DYSF: variants seen among roughly 807,000 people sequenced by gnomAD.
The protein encoded by DYSF is dystrophy-associated fer-1-like 1.
Under a neutral mutation model 274.9 loss-of-function variants are expected in DYSF, and 212 were observed. The ratio of observed to expected loss-of-function variants is 0.77; its 90% CI spans 0.69 to 0.86. The LOEUF is 0.86. DYSF is among the 40% of genes least tolerant of loss of function. The pLI is 0.00. For synonymous variants in DYSF, 1,091 were observed against 1,078.7 expected (o/e 1.01, Z -0.22); for missense variants, 2,666 against 2,783.2 (o/e 0.96, Z 0.95).
chr2:71,514,325 G>T (rs918295451), intron 7 of DYSF, among the ~76,000 whole-genome samples: 1 of 152,142 alleles, frequency 6.6e-6, no homozygotes, highest in African/African-American at 2.4e-5. Context: ...GACATGCAGA[G>T]TCTACTCAGA....
chr2:71,656,693 A>G (rs1295866081), intron 43 of DYSF, among the ~76,000 whole-genome samples: 1 of 152,150 alleles, frequency 6.6e-6, no homozygotes, highest in African/African-American at 2.4e-5. Context: ...GGCAGTTCTT[A>G]TATGGTGGCA....
intron 22 of DYSF, 53 bp from the exon 23 acceptor site, chr2:71,561,699 C>T (rs148375424): frequency 6.2e-7 from 1 of 1,609,302 alleles, no homozygotes; most frequent in Non-Finnish European, 8.5e-7. Flanking sequence ...CATGCCTGGA[C>T]CTGGGAGAGC....
intron 44 of DYSF, 25 bp downstream of exon 44, chr2:71,659,058 C>G (rs139167338): frequency 2.5e-6 from 4 of 1,613,974 alleles, no homozygotes; most frequent in Non-Finnish European, 3.4e-6. Context: ...GCCCTCACCT[C>G]CCCCAGAGTA....
At chr2:71,516,519 G>A (rs1021872948) in intron 9 of DYSF, among the ~76,000 whole-genome samples, 5 of 152,228 alleles carry the variant, frequency 3.3e-5, no homozygotes, top group African/African-American at 1.2e-4. Context: ...CTGCGGGAGA[G>A]CCCACTGCTC....
Position 71,686,593 on chromosome 2 carries a change from C to A in DYSF, c.*101C>A. 1 of 1,362,736 alleles carries A rather than the reference C, an allele frequency of 7.3e-7. No homozygotes were observed. The highest frequency in any genetic ancestry group is 1.0e-6 in the Non-Finnish European group (1 of 959,188). The allele number at this position is 1,362,736 out of a possible 1,614,324, so 84.4% of individuals were successfully genotyped here. A position where few individuals can be genotyped will look rare whatever the true frequency, so the allele number is the denominator to read the frequency against. On this transcript the variant is annotated 3_prime_UTR_variant, in exon 56 of 56. Coordinates refer to ENST00000410020, the MANE Select transcript of DYSF (RefSeq NM_001130987.2). Reference sequence around the variant, plus strand: ...GGCGAGCTCCTCCAGACCTCCTAGGCCTGATTGTCCTGCCAGGGTGGGCAG... The same window carrying A: ...GGCGAGCTCCTCCAGACCTCCTAGGACTGATTGTCCTGCCAGGGTGGGCAG...
intron 16 of DYSF, among the ~76,000 whole-genome samples, chr2:71,535,844 G>A (rs561924988): frequency 6.6e-6 from 1 of 152,312 alleles, no homozygotes; most frequent in South Asian, 2.1e-4. Flanking sequence ...AAAGACCACA[G>A]CATCTAATAC....
intron 12 of DYSF, among the ~76,000 whole-genome samples, chr2:71,524,169 C>T (rs1339081909): frequency 1.3e-5 from 2 of 152,156 alleles, no homozygotes; most frequent in African/African-American, 4.8e-5. Flanking sequence ...GATGCTACTT[C>T]CTCCCTGAAG....
intron 3 of DYSF, among the ~76,000 whole-genome samples, chr2:71,488,507 G>A (rs1421317702): frequency 7.9e-5 from 12 of 152,096 alleles, no homozygotes; most frequent in African/African-American, 2.9e-4. Flanking sequence ...GATGCAACAA[G>A]GAAGCATACA....
chr2:71,507,783 G>T (rs1241465475), intron 4 of DYSF, among the ~76,000 whole-genome samples: 1 of 152,200 alleles, frequency 6.6e-6, no homozygotes, highest in African/African-American at 2.4e-5. Context: ...ACTGCACGGA[G>T]CCCTGCGCTC....
rs143548269 is a variant in DYSF, at chr2:71,517,380, G to A, written c.1002+341G>A. Reference sequence around the variant, plus strand: ...GTCCAACCCATTGCCCACCACATACGTTCTCAAGAGAAGCTATGCCCCACC... The same window carrying A: ...GTCCAACCCATTGCCCACCACATACATTCTCAAGAGAAGCTATGCCCCACC... On this transcript the variant is annotated intron_variant, in intron 10 of 55. Coordinates refer to ENST00000410020, the MANE Select transcript of DYSF (RefSeq NM_001130987.2). Among the ~76,000 whole-genome samples, 181 of 152,264 alleles carry A rather than the reference G, an allele frequency of 1.2e-3. 1 individual carries two copies. The highest frequency in any genetic ancestry group is 0.011 in the East Asian group (57 of 5,178).
intron 22 of DYSF, among the ~76,000 whole-genome samples, chr2:71,558,918 T>G (rs2091526333): frequency 6.6e-6 from 1 of 152,092 alleles, no homozygotes; most frequent in South Asian, 2.1e-4. Flanking sequence ...CACCTCTCAC[T>G]GCAGTGCTGA....
chr2:71,481,075 A>AGCTCAT (rs2082843917), intron 2 of DYSF, 137 bp downstream of exon 2: 1 of 860,796 alleles, frequency 1.2e-6, no homozygotes, highest in African/African-American at 1.7e-5. Context: ...CCAGCCTGCC[A>AGCTCAT]ACGAAATCCT....
intron 42 of DYSF, among the ~76,000 whole-genome samples, chr2:71,653,427 T>A (rs1284486376): frequency 6.6e-6 from 1 of 151,876 alleles, no homozygotes; most frequent in Non-Finnish European, 1.5e-5. Flanking sequence ...CCAACAATGA[T>A]AGACTGGATT....
intron 3 of DYSF, among the ~76,000 whole-genome samples, chr2:71,500,787 C>A (rs1480310372): frequency 6.6e-6 from 1 of 151,946 alleles, no homozygotes; most frequent in Non-Finnish European, 1.5e-5. Context: ...TTGGGCCCTG[C>A]CTCCCAGTCC....
intron 14 of DYSF, among the ~76,000 whole-genome samples, chr2:71,532,829 A>ATTCT (rs1354641377): frequency 8.2e-6 from 1 of 122,304 alleles, no homozygotes; most frequent in African/African-American, 3.1e-5. Flanking sequence ...TAGTACATTT[A>ATTCT]TTCTATCTAT....
At chr2:71,583,511 G>A (rs1189444331) in intron 30 of DYSF, among the ~76,000 whole-genome samples, 1 of 152,208 alleles carries the variant, frequency 6.6e-6, no homozygotes, top group East Asian at 1.9e-4. Context: ...GCTTTCCCCT[G>A]CCTGCTCAGC....
intron 41 of DYSF, among the ~76,000 whole-genome samples, chr2:71,641,058 G>T (rs1222504519): frequency 6.6e-6 from 1 of 151,486 alleles, no homozygotes; most frequent in Admixed American, 6.6e-5. Context: ...TCTGTCATTG[G>T]TTTCAGCCTC....
chr2:71,534,067 G>A (rs74484032), intron 14 of DYSF, among the ~76,000 whole-genome samples: 3,260 of 152,236 alleles, frequency 0.021, 52 homozygotes, highest in African/African-American at 0.048. Context: ...TCTTTTTACA[G>A]GGAGGAGGGG....
rs561587664 is a variant in DYSF, at chr2:71,526,082, C to A, written c.1150-138C>A. ...GTGAAGGACCTTGCCCGAGACCACG[C>A]GGTAGTAAGTGTCGGAGCGCAGTCT... On this transcript the variant is annotated intron_variant, in intron 12 of 55. Coordinates refer to ENST00000410020, the MANE Select transcript of DYSF (RefSeq NM_001130987.2). The A allele has an allele frequency of 3.9e-5, 58 of 1,485,538 alleles. No homozygotes were observed. The African/African-American group carries it at 7.3e-4, about 19-fold the overall frequency. The allele number at this position is 1,485,538 out of a possible 1,614,324, so 92.0% of individuals were successfully genotyped here.
Sources: allele counts gnomAD v4.1 joint callset (sites outside exome capture counted in the v4.1 genomes callset), GRCh38; gene constraint gnomAD v4.1.1; transcripts MANE v1.5; gene names NCBI Gene and HGNC (gene_info 2026-07-23, HGNC 2026-07-21).